Variants in PRKG1 observed in about 807,000 individuals in gnomAD.
PRKG1 encodes cGMP-dependent protein kinase 1.
PRKG1 carries 35 observed loss-of-function variants against 88.1 expected under a neutral mutation model. That is an observed-to-expected ratio of 0.40 (90% CI 0.30 to 0.53). The LOEUF (loss-of-function observed/expected upper bound fraction) is 0.53. PRKG1 is among the 20% of genes least tolerant of loss of function. The pLI is 0.59. For missense variants in PRKG1, 540 were observed against 839.8 expected (o/e 0.64, Z 4.41); for synonymous variants, 303 against 292.5 (o/e 1.04, Z -0.37).
At chr10:51,320,080 C>A (rs139854146) in intron 2 of PRKG1, 1 of 173,784 alleles carries the variant, frequency 5.8e-6, no homozygotes. Flanking sequence ...AGATCGGCAG[C>A]CTTCAGAAAC....
At chr10:51,824,669 A>G (rs1839839348) in intron 4 of PRKG1, among the ~76,000 whole-genome samples, 1 of 152,118 alleles carries the variant, frequency 6.6e-6, no homozygotes, top group South Asian at 2.1e-4. Flanking sequence ...AGGCCTCAGA[A>G]AGCTTTTACT....
chr10:51,795,436 T>G (rs1564649853), intron 3 of PRKG1, among the ~76,000 whole-genome samples: 1 of 152,142 alleles, frequency 6.6e-6, no homozygotes, highest in African/African-American at 2.4e-5. Context: ...CCAAACTAAC[T>G]GTGAGGCAAT....
In PRKG1 at chr10:52,258,229, C is replaced by G. The variant is rs1224819155; in HGVS notation, c.1173+6563C>G. ...CCTGCATATGATTTTAGAATAATCA[C>G]TATAAATCTAGAATGCACTGGGCAT... On this transcript the variant is annotated intron_variant, in intron 10 of 17. Coordinates refer to ENST00000373980, the MANE Select transcript of PRKG1 (RefSeq NM_006258.4). 1.4e-5 allele frequency among the ~76,000 whole-genome samples: 2 copies of G among 138,456 alleles called. 1 individual carries two copies. The highest frequency in any genetic ancestry group is 3.3e-5 in the Non-Finnish European group (2 of 61,426). The allele number at this position is 138,456 out of a possible 152,430, so 90.8% of individuals were successfully genotyped here.
chr10:52,134,795 G>A (rs1288781417), intron 8 of PRKG1, among the ~76,000 whole-genome samples: 1 of 152,066 alleles, frequency 6.6e-6, no homozygotes, highest in Non-Finnish European at 1.5e-5. Flanking sequence ...GACTCCGGAT[G>A]GAGAGAAATT....
At chr10:51,098,800 C>T (rs1211839972) in intron 1 of PRKG1, among the ~76,000 whole-genome samples, 1 of 152,170 alleles carries the variant, frequency 6.6e-6, no homozygotes, top group Non-Finnish European at 1.5e-5. Context: ...ACATGCCATT[C>T]CCCACTTTAA....
chr10:52,092,034 T>G (rs1228708103), intron 7 of PRKG1, among the ~76,000 whole-genome samples: 1 of 152,218 alleles, frequency 6.6e-6, no homozygotes, highest in Non-Finnish European at 1.5e-5. Context: ...CCTTCTTGAT[T>G]GCTAATGAGG....
Position 51,825,805 on chromosome 10 carries a change from G to A in PRKG1, c.698+21115G>A, listed in dbSNP as rs10999654. ...GCATGAGATGGTTTGGGGTGTGGAG[G>A]GAACTGGAGACAAGGGCAGAGAGGG... On this transcript the variant is annotated intron_variant, in intron 4 of 17. Coordinates refer to ENST00000373980, the MANE Select transcript of PRKG1 (RefSeq NM_006258.4). Among the ~76,000 whole-genome samples, 646 of 152,256 alleles carry A rather than the reference G, an allele frequency of 4.2e-3. 5 individuals carry two copies. The highest frequency in any genetic ancestry group is 0.015 in the African/African-American group (603 of 41,536).
At chr10:52,155,363 A>C (rs1838062726) in intron 8 of PRKG1, among the ~76,000 whole-genome samples, 1 of 152,122 alleles carries the variant, frequency 6.6e-6, no homozygotes, top group African/African-American at 2.4e-5. Context: ...AGAGTTAAAA[A>C]TAAAATCTTA....
At chr10:52,021,828 T>C (rs1296103781) in intron 5 of PRKG1, among the ~76,000 whole-genome samples, 1 of 152,184 alleles carries the variant, frequency 6.6e-6, no homozygotes, top group African/African-American at 2.4e-5. Context: ...GAATTATTAT[T>C]TACATTTCAT....
intron 4 of PRKG1, among the ~76,000 whole-genome samples, chr10:51,812,925 C>T (rs1839493941): frequency 6.6e-6 from 1 of 152,136 alleles, no homozygotes. Flanking sequence ...TCGTTGTCAA[C>T]TTCCGATGGC....
At chr10:52,029,497 TA>T (rs1284495537) in intron 5 of PRKG1, among the ~76,000 whole-genome samples, 1 of 152,156 alleles carries the variant, frequency 6.6e-6, no homozygotes, top group Non-Finnish European at 1.5e-5. Flanking sequence ...GATGTCCCTT[TA>T]AGAGGTGCCT....
At chr10:51,565,536 A>G (rs1177656168) in intron 3 of PRKG1, among the ~76,000 whole-genome samples, 1 of 152,170 alleles carries the variant, frequency 6.6e-6, no homozygotes, top group Non-Finnish European at 1.5e-5. Context: ...GCCTGGGTGT[A>G]GAAGCCTGAA....
intron 2 of PRKG1, among the ~76,000 whole-genome samples, chr10:51,270,646 G>A (rs1052576465): frequency 6.7e-6 from 1 of 150,234 alleles, no homozygotes. Flanking sequence ...ACTGTTGTAT[G>A]CTTTTCTCTC....
intron 9 of PRKG1, among the ~76,000 whole-genome samples, chr10:52,244,844 T>G (rs1168310137): frequency 1.6e-4 from 5 of 31,324 alleles, no homozygotes; most frequent in Non-Finnish European, 4.0e-4. Context: ...TAATATATAT[T>G]TAAATATTTT....
chr10:51,878,988 A>T (rs1841370524), intron 4 of PRKG1, among the ~76,000 whole-genome samples: 1 of 152,190 alleles, frequency 6.6e-6, no homozygotes, highest in South Asian at 2.1e-4. Context: ...AGGCAGCATT[A>T]CTGACCTATC....
At position 52,106,135 on chromosome 10, in the gene PRKG1, T is replaced by A. The variant is rs972706018; in HGVS notation, c.936-27705T>A. Among the ~76,000 whole-genome samples, 3 of 152,210 alleles carry A rather than the reference T, an allele frequency of 2.0e-5. No individual in the cohort carries two copies. The East Asian group carries it at 5.8e-4, about 29-fold the overall frequency. Reference sequence around the variant, plus strand: ...AGTCTCCAACTCCACCCAGAATGCTTATTTTAAAAATAGCAATAAAATAAC... The same window carrying A: ...AGTCTCCAACTCCACCCAGAATGCTAATTTTAAAAATAGCAATAAAATAAC... On this transcript the variant is annotated intron_variant, in intron 7 of 17. Transcript: ENST00000373980.
At chr10:51,267,461 A>G (rs1269650157) in intron 2 of PRKG1, among the ~76,000 whole-genome samples, 1 of 152,194 alleles carries the variant, frequency 6.6e-6, no homozygotes, top group East Asian at 1.9e-4. Flanking sequence ...TCTGCAAAAT[A>G]TATCTTTATA....
At chr10:51,110,239 A>G (rs1343630468) in intron 1 of PRKG1, among the ~76,000 whole-genome samples, 2 of 152,092 alleles carry the variant, frequency 1.3e-5, no homozygotes, top group Non-Finnish European at 2.9e-5. Context: ...GTTCACATGA[A>G]GACTTGTGGG....
chr10:51,655,614 T>G (rs1428611252), intron 3 of PRKG1, among the ~76,000 whole-genome samples: 1 of 152,092 alleles, frequency 6.6e-6, no homozygotes, highest in South Asian at 2.1e-4. Flanking sequence ...TATATACTTT[T>G]AAGCCCTCTA....
Sources: allele counts gnomAD v4.1 joint callset (sites outside exome capture counted in the v4.1 genomes callset), GRCh38; gene constraint gnomAD v4.1.1; transcripts MANE v1.5; gene names NCBI Gene and HGNC (gene_info 2026-07-23, HGNC 2026-07-21).